The following FBXW7 variants were observed in gnomAD, a reference collection of about 807,000 sequenced individuals.
FBXW7 encodes the protein F-box/WD repeat-containing protein 7.
In FBXW7, 11 loss-of-function variants were observed where a neutral mutation model predicts 86.3. That is an observed-to-expected ratio of 0.13 (90% CI 0.08 to 0.21). FBXW7 has a LOEUF of 0.21. Ranked by LOEUF, FBXW7 falls within the 10% of genes least tolerant of loss-of-function variation. FBXW7 has a pLI of 1.00. For synonymous variants in FBXW7, 313 were observed against 297.9 expected, an observed-to-expected ratio of 1.05 and a Z score of -0.52; for missense variants, 488 against 847.4, an observed-to-expected ratio of 0.58 and a Z score of 5.27.
intron 6 of FBXW7, among the ~76,000 whole-genome samples, chr4:152,343,155 A>G (rs1359716528): frequency 6.6e-6 from 1 of 152,174 alleles, no homozygotes; most frequent in Non-Finnish European, 1.5e-5. Context: ...TTATCATTTA[A>G]AAATATTTTT....
chr4:152,355,235 T>C (rs931118313), intron 4 of FBXW7, among the ~76,000 whole-genome samples: 2 of 152,100 alleles, frequency 1.3e-5, no homozygotes, highest in Non-Finnish European at 2.9e-5. Context: ...GGCTAAAATA[T>C]AGTTTGAAAC....
At chr4:152,521,343 TGAAAA>T (rs1177812216) in intron 2 of FBXW7, among the ~76,000 whole-genome samples, 3 of 151,922 alleles carry the variant, frequency 2.0e-5, no homozygotes, top group Admixed American at 2.0e-4. Context: ...GTTTCCCAGA[TGAAAA>T]GAAAAGAATA....
At chr4:152,498,964 C>A (rs1237197711) in intron 2 of FBXW7, among the ~76,000 whole-genome samples, 1 of 152,060 alleles carries the variant, frequency 6.6e-6, no homozygotes, top group African/African-American at 2.4e-5. Flanking sequence ...GTTAGACGAT[C>A]AATCAGGGCT....
chr4:152,341,824 C>T (rs1267925257), intron 6 of FBXW7, among the ~76,000 whole-genome samples: 5 of 152,066 alleles, frequency 3.3e-5, no homozygotes, highest in Admixed American at 2.0e-4. Context: ...TGTGTGTGCG[C>T]GCGCATGCAT....
intron 4 of FBXW7, among the ~76,000 whole-genome samples, chr4:152,375,069 T>A (rs931863459): frequency 1.3e-5 from 2 of 152,084 alleles, no homozygotes; most frequent in African/African-American, 4.8e-5. Flanking sequence ...TGAGAATTAA[T>A]CATAGCTAGA....
intron 2 of FBXW7, among the ~76,000 whole-genome samples, chr4:152,465,801 G>A (rs1179901423): frequency 2.0e-5 from 3 of 147,470 alleles, no homozygotes; most frequent in African/African-American, 7.5e-5. Context: ...CCAAGATCAT[G>A]CCACTGCACT....
Position 152,379,525 on chromosome 4 carries a change from AG to A in FBXW7, c.502-29402del, listed in dbSNP as rs1734860128. The stretch of plus-strand genomic sequence containing the variant: ...TTTTTTCTTTCTCTCTTCTAATTTT[AG>A]TTTTTTTTCAGAGGCAAGGTCTCAC... On this transcript the variant is annotated intron_variant, in intron 4 of 13. Transcript: ENST00000281708. 3.3e-5 allele frequency among the ~76,000 whole-genome samples: 5 copies of A among 152,212 alleles called. No individual in the cohort carries two copies. In the South Asian group the frequency reaches 1.0e-3, roughly 32 times the overall value.
In FBXW7 at chr4:152,535,981, C is replaced by T. The variant is rs1750527326; in HGVS notation, c.-1067G>A. 7.7e-6 allele frequency: 2 copies of T among 260,996 alleles called. No individual in the cohort carries two copies. Among genetic ancestry groups the T allele is most frequent in the Non-Finnish European group, 1.4e-5 (2 of 138,992 alleles). 16.2% of individuals were successfully genotyped at this position (260,996 alleles called of 1,614,324 possible). ...AGGGGGACTGGATCTCTCGGATGCT[C>T]CTTCGCTCTCAGTCTCAGCGGCGGC... On this transcript the variant is annotated 5_prime_UTR_variant, in exon 1 of 14. Transcript: ENST00000281708.
In FBXW7 at chr4:152,337,480, T is replaced by A. The variant is rs1157251552; in HGVS notation, c.861+322A>T. The stretch of plus-strand genomic sequence containing the variant: ...ACTATCATGAATATACCAAGATAAC[T>A]AAAGGTTGGGCTTCAAATAACTTGA... On this transcript the variant is annotated intron_variant, in intron 7 of 13. Transcript: ENST00000281708. 2.6e-5 allele frequency among the ~76,000 whole-genome samples: 4 copies of A among 152,026 alleles called. No homozygotes were observed. The East Asian group carries it at 7.7e-4, about 29-fold the overall frequency.
At chr4:152,338,622 G>C (rs1730400387) in intron 6 of FBXW7, among the ~76,000 whole-genome samples, 1 of 151,778 alleles carries the variant, frequency 6.6e-6, no homozygotes, top group Non-Finnish European at 1.5e-5. Context: ...TCATGCTTCA[G>C]AAATAAGAGT....
chr4:152,363,835 C>T (rs971146396), intron 4 of FBXW7, among the ~76,000 whole-genome samples: 2 of 152,080 alleles, frequency 1.3e-5, no homozygotes, highest in African/African-American at 4.8e-5. Context: ...GAGTTTTAAG[C>T]GACCCCAAGG....
intron 2 of FBXW7, among the ~76,000 whole-genome samples, chr4:152,484,131 G>A (rs1745137960): frequency 6.6e-6 from 1 of 151,972 alleles, no homozygotes; most frequent in South Asian, 2.1e-4. Flanking sequence ...ATGAAGTGTT[G>A]TTATTTTCTT....
chr4:152,481,041 C>G (rs902695671), intron 2 of FBXW7, among the ~76,000 whole-genome samples: 2 of 152,140 alleles, frequency 1.3e-5, no homozygotes, highest in Non-Finnish European at 2.9e-5. Context: ...GAAGAAGAAG[C>G]CATGTAGTAC....
intron 7 of FBXW7, among the ~76,000 whole-genome samples, chr4:152,333,701 T>G (rs1729792306): frequency 6.6e-6 from 1 of 152,140 alleles, no homozygotes. Context: ...TATTTTTTGA[T>G]GCTAAATGTA....
Position 152,411,870 on chromosome 4 carries a change from A to G in FBXW7, c.-67T>C, listed in dbSNP as rs1579128441. ...TATCAGAAGATGCAAAGGTTTTCAC[A>G]TTCTGCAGGGGAAAATAGGGTAAAA... On this transcript the variant is annotated splice_region_variant and 5_prime_UTR_variant, in exon 4 of 14. It removes an upstream start codon present in the reference 5' UTR. Coordinates refer to ENST00000281708, the MANE Select transcript of FBXW7 (RefSeq NM_001349798.2). 6.7e-7 allele frequency: 1 copy of G among 1,482,108 alleles called. No individual in the cohort carries two copies. Among genetic ancestry groups the G allele is most frequent in the African/African-American group, 1.4e-5 (1 of 70,792 alleles). 91.8% of individuals were successfully genotyped at this position (1,482,108 alleles called of 1,614,324 possible). A position where few individuals can be genotyped will look rare whatever the true frequency, so the allele number is the denominator to read the frequency against.
chr4:152,352,925 A>G (rs575733600), intron 4 of FBXW7: 1 of 1,420,208 alleles, frequency 7.0e-7, no homozygotes, highest in African/African-American at 1.4e-5. Flanking sequence ...CTGCACATCA[A>G]TTATATGGTG....
At chr4:152,527,348 T>C (rs956283527) in intron 2 of FBXW7, among the ~76,000 whole-genome samples, 17 of 152,268 alleles carry the variant, frequency 1.1e-4, no homozygotes, top group Admixed American at 1.0e-3. Context: ...TTCAACCATT[T>C]GGTAATTATA....
intron 2 of FBXW7, among the ~76,000 whole-genome samples, chr4:152,521,371 G>C (rs534361960): frequency 2.0e-5 from 3 of 151,940 alleles, no homozygotes; most frequent in Non-Finnish European, 2.9e-5. Flanking sequence ...CCAAGCAGAG[G>C]AAACAGCAAG....
intron 4 of FBXW7, among the ~76,000 whole-genome samples, chr4:152,353,408 T>C (rs535022348): frequency 6.6e-6 from 1 of 152,314 alleles, no homozygotes; most frequent in East Asian, 1.9e-4. Flanking sequence ...AATAAAAACA[T>C]TGCCTATGCT....
Sources: allele counts gnomAD v4.1 joint callset (sites outside exome capture counted in the v4.1 genomes callset), GRCh38; gene constraint gnomAD v4.1.1; transcripts MANE v1.5; gene names NCBI Gene and HGNC (gene_info 2026-07-23, HGNC 2026-07-21).